Variants in ARMCX2 observed in about 807,000 individuals in gnomAD.
The protein encoded by ARMCX2 is armadillo repeat containing X-linked 2.
Under a neutral mutation model 17.0 loss-of-function variants are expected in ARMCX2, and 2 were observed. The ratio of observed to expected loss-of-function variants is 0.12; its 90% CI spans 0.05 to 0.37. The LOEUF is 0.37. ARMCX2 is among the 10% of genes least tolerant of loss of function. The probability of loss-of-function intolerance (pLI) is 1.00; values close to 1 mark genes in which losing one functional copy is unlikely to be tolerated. For missense variants in ARMCX2, 408 were observed against 497.7 expected (o/e 0.82, Z 1.72); for synonymous variants, 182 against 195.2 (o/e 0.93, Z 0.57).
rs1396944045 is a variant in ARMCX2 at position 101,659,141 on chromosome X, A to G, written c.-328T>C. On this transcript the variant is annotated 5_prime_UTR_variant, in exon 3 of 6. Coordinates refer to ENST00000356824, the MANE Select transcript of ARMCX2 (RefSeq NM_177949.4). ...GGCTGTGTGGGCCGGAGGTGTCTGGAAAGCAGTCTGCGAGTTAACAAGGCG... is the reference window on the plus strand; with the variant it reads ...GGCTGTGTGGGCCGGAGGTGTCTGGGAAGCAGTCTGCGAGTTAACAAGGCG... The G allele has an allele frequency of 1.8e-5, 2 of 110,922 alleles. No individual in the cohort carries two copies. The highest frequency in any genetic ancestry group is 9.5e-5 in the Admixed American group (1 of 10,531). The allele number at this position is 110,922 out of a possible 1,213,427, so 9.1% of individuals were successfully genotyped here.
chrX:101,655,538 C>T lies in ARMCX2; in HGVS notation c.*152G>A. 2.6e-6 allele frequency: 1 copy of T among 389,594 alleles called. No homozygotes were observed. Among genetic ancestry groups the T allele is most frequent in the Non-Finnish European group, 4.3e-6 (1 of 232,404 alleles). 32.1% of individuals were successfully genotyped at this position (389,594 alleles called of 1,213,427 possible). A position where few individuals can be genotyped will look rare whatever the true frequency, so the allele number is the denominator to read the frequency against. ...TAAAGCTGGTGACTGTCACAGATAA[C>T]ATCACTCTGGATGATACATTATTCA... On this transcript the variant is annotated 3_prime_UTR_variant, in exon 6 of 6. Transcript: ENST00000356824.
chrX:101,658,190 T>G (rs1162056693), intron 4 of ARMCX2, 48 bp from the exon 5 acceptor site: 1 of 111,858 alleles, frequency 8.9e-6, no homozygotes, highest in Non-Finnish European at 1.9e-5. Context: ...GTGGACGAAT[T>G]CTGGTTCTTT....
At chrX:101,658,299 C>G (rs1046078873) in intron 4 of ARMCX2, among the ~76,000 whole-genome samples, 157 bp from the exon 5 acceptor site, 1 of 111,827 alleles carries the variant, frequency 8.9e-6, no homozygotes, top group Non-Finnish European at 1.9e-5. Flanking sequence ...AAGGCAGATG[C>G]CACGCCCCTT....
rs782776712 is a variant in ARMCX2 at position 101,656,347 on chromosome X, A to G, written c.1242T>C (p.Asn414=). Residue 414 remains asparagine (N), a synonymous_variant, in exon 6 of 6, where the codon AAT becomes AAC. Transcript: ENST00000356824. ...QQVALLTLSN[N]ANYSCNQETI... is the part of the protein sequence containing the mutation. The stretch of plus-strand genomic sequence containing the variant: ...TCTCTTGATTGCATGAATAATTGGC[A>G]TTGTTGCTCAGAGTGAGCAAAGCTA... 3.3e-6 allele frequency: 4 copies of G among 1,210,983 alleles called. No individual in the cohort carries two copies. Among genetic ancestry groups the G allele is most frequent in the South Asian group, 1.8e-5 (1 of 56,933 alleles).
In ARMCX2 at chrX:101,655,693, G is replaced by C; in HGVS notation, c.1896C>G (p.Phe632Leu). 1 of 1,130,539 alleles carries C rather than the reference G, an allele frequency of 8.8e-7. No homozygotes were observed. Among genetic ancestry groups the C allele is most frequent in the Non-Finnish European group, 1.2e-6 (1 of 855,043 alleles). 93.2% of individuals were successfully genotyped at this position (1,130,539 alleles called of 1,213,427 possible). A position where few individuals can be genotyped will look rare whatever the true frequency, so the allele number is the denominator to read the frequency against. Residue 632 changes from phenylalanine to leucine, a missense_variant, in exon 6 of 6, where the codon TTC (phenylalanine) becomes TTG (leucine). Transcript: ENST00000356824. Reference protein sequence around the residue: ...KVKVIKLVNKF With the variant: ...KVKVIKLVNKL ...TCTTTTGACGGTACATAACCAATCA[G>C]AATTTGTTCACTAGTTTTATAACTT...
intron 3 of ARMCX2, among the ~76,000 whole-genome samples, chrX:101,658,835 G>A (rs1259996804): frequency 9.0e-6 from 1 of 111,096 alleles, no homozygotes; most frequent in Non-Finnish European, 1.9e-5. Context: ...CGAGGGTGCA[G>A]CAAAAGCTGG....
chrX:101,658,030 C>G (rs1437166739), intron 5 of ARMCX2, 43 bp downstream of exon 5: 1 of 125,269 alleles, frequency 8.0e-6, no homozygotes, highest in Non-Finnish European at 1.6e-5. Flanking sequence ...TGCCCCACCC[C>G]CTACCCCCAA....
At position 101,656,450 on chromosome X, in the gene ARMCX2, T is replaced by C; in HGVS notation, c.1139A>G (p.Asp380Gly). The change falls in exon 6 of 6, where the codon GAT (aspartate) becomes GGT (glycine). Residue 380 changes from aspartate to glycine, a missense_variant. This residue lies in a region of ARMCX2 where 307 missense variants were observed against 326.8 expected (regional missense o/e 0.94). Transcript: ENST00000356824. ...GAGATCGCGGACACCCAGAATCTCA[T>C]CAATTTCATAAGGAAAGGGGCGCTT... is the stretch of plus-strand genomic sequence containing the variant. ...MQKRPFPYEI[D>G]EILGVRDLRK... 1 of 1,210,925 alleles carries C rather than the reference T, an allele frequency of 8.3e-7. No homozygotes were observed. Among genetic ancestry groups the C allele is most frequent in the Non-Finnish European group, 1.1e-6 (1 of 895,319 alleles).
In ARMCX2 at chrX:101,657,815, C is replaced by A. The variant is rs1373317848; in HGVS notation, c.-127-100G>T. 2.8e-5 allele frequency: 10 copies of A among 361,106 alleles called. No individual in the cohort carries two copies. In the Admixed American group the frequency reaches 3.4e-4, roughly 12 times the overall value. The allele number at this position is 361,106 out of a possible 1,213,427, so 29.8% of individuals were successfully genotyped here. ...GTTTAGGGACACAATGCTTCGTTGGCGGGCTAGCACCCAGACACAGGTGTC... is the reference window on the plus strand; with the variant it reads ...GTTTAGGGACACAATGCTTCGTTGGAGGGCTAGCACCCAGACACAGGTGTC... On this transcript the variant is annotated intron_variant, in intron 5 of 5. Coordinates refer to ENST00000356824, the MANE Select transcript of ARMCX2 (RefSeq NM_177949.4).
rs1556058107 is a variant in ARMCX2, at chrX:101,656,737, C to T, written c.852G>A (p.Lys284=). Residue 284 remains lysine, a synonymous_variant, in exon 6 of 6, where the codon AAG becomes AAA. Coordinates refer to ENST00000356824, the MANE Select transcript of ARMCX2 (RefSeq NM_177949.4). ...CCCCATTCCGGGACCTGGTTACACC[C>T]TTGCCTCCACCTTTGGGTACCGCTC... The part of the protein sequence containing the change: ...ATGAVPKGGG[K]GVTRSRNGGK... The T allele has an allele frequency of 2.3e-5, 28 of 1,211,766 alleles. No homozygotes were observed. Among genetic ancestry groups the T allele is most frequent in the Non-Finnish European group, 3.0e-5 (27 of 895,512 alleles).
chrX:101,657,108 G>A lies in ARMCX2; in HGVS notation c.481C>T (p.Pro161Ser). 1 of 1,194,293 alleles carries A rather than the reference G, an allele frequency of 8.4e-7. No individual in the cohort carries two copies. Among genetic ancestry groups the A allele is most frequent in the East Asian group, 3.0e-5 (1 of 33,582 alleles). ...TCTCTGGGAGCTTCTGCCACTTTGG[G>A]AGCCCCTGCCATTGCAGGGGCTTCT... is the stretch of plus-strand genomic sequence containing the variant. The part of the protein sequence containing the change: ...AAEAPAMAGA[P>S]KVAEAPREAE... Residue 161 changes from proline to serine, a missense_variant, in exon 6 of 6, where the codon CCC becomes TCC. Coordinates refer to ENST00000356824, the MANE Select transcript of ARMCX2 (RefSeq NM_177949.4).
At chrX:101,658,295 G>A (rs188629692) in intron 4 of ARMCX2, among the ~76,000 whole-genome samples, 153 bp from the exon 5 acceptor site, 29 of 111,830 alleles carry the variant, frequency 2.6e-4, no homozygotes, top group African/African-American at 9.4e-4. Context: ...AACTAAGGCA[G>A]ATGCCACGCC....
At position 101,656,015 on chromosome X, in the gene ARMCX2, T is replaced by TTGA; in HGVS notation, c.1571_1573dup (p.Ile524dup). ...CGAAAGGATTTTCAAAATCTCAACC[T>TTGA]TGATTTTTCCACCTCCCTGAGATAG... On this transcript the variant is annotated inframe_insertion, in exon 6 of 6. Transcript: ENST00000356824. 8.3e-7 allele frequency: 1 copy of TTGA among 1,211,277 alleles called. No individual in the cohort carries two copies. The highest frequency in any genetic ancestry group is 1.1e-6 in the Non-Finnish European group (1 of 895,205).
In ARMCX2 at chrX:101,657,461, T is replaced by A. The variant is rs782291443; in HGVS notation, c.128A>T (p.Asn43Ile). 4 of 1,211,815 alleles carry A rather than the reference T, an allele frequency of 3.3e-6. No individual in the cohort carries two copies. In the Admixed American group the frequency reaches 6.5e-5, roughly 20 times the overall value. The change falls in exon 6 of 6, where the codon AAC becomes ATC. Residue 43 changes from asparagine (N) to isoleucine (I), a missense_variant. This residue lies in a region of ARMCX2 where 307 missense variants were observed against 326.8 expected (regional missense o/e 0.94). Transcript: ENST00000356824. ...QTKKRMAKPKNRAVAGTGARA... is the reference protein window; with the variant it reads ...QTKKRMAKPKIRAVAGTGARA... ...GGCTCCAGTCCCAGCCACAGCCCGG[T>A]TTTTGGGCTTGGCCATTCTCTTCTT...
chrX:101,655,714 A>G lies in ARMCX2; in HGVS notation c.1875T>C (p.Val625=). The G allele has an allele frequency of 2.6e-6, 3 of 1,144,130 alleles. No homozygotes were observed. The highest frequency in any genetic ancestry group is 2.3e-6 in the Non-Finnish European group (2 of 864,869). 94.3% of individuals were successfully genotyped at this position (1,144,130 alleles called of 1,213,427 possible). A position where few individuals can be genotyped will look rare whatever the true frequency, so the allele number is the denominator to read the frequency against. ...NHHDLLVKVK[V]IKLVNKF is the part of the protein sequence containing the mutation. ...ATCAGAATTTGTTCACTAGTTTTAT[A>G]ACTTTCACTTTCACTAAGAGGTCAT... Residue 625 remains valine, a synonymous_variant, in exon 6 of 6, where the codon GTT becomes GTC. Transcript: ENST00000356824.
rs144651046 is a variant in ARMCX2 at position 101,657,225 on chromosome X, C to A, written c.364G>T (p.Gly122Trp). Residue 122 changes from glycine (G) to tryptophan (W), a missense_variant, in exon 6 of 6, where the codon GGG becomes TGG. This residue lies in a region of ARMCX2 where 307 missense variants were observed against 326.8 expected (regional missense o/e 0.94). Coordinates refer to ENST00000356824, the MANE Select transcript of ARMCX2 (RefSeq NM_177949.4). ...GSQAQEADGAGVGPKAESVVG... is the reference protein window; with the variant it reads ...GSQAQEADGAWVGPKAESVVG... The stretch of plus-strand genomic sequence containing the variant: ...ACTGATTCGGCCTTAGGCCCAACCC[C>A]GGCTCCATCTGCCTCTTGGGCCTGA... The A allele has an allele frequency of 1.4e-5, 17 of 1,200,137 alleles. No individual in the cohort carries two copies. In the African/African-American group the frequency reaches 2.8e-4, roughly 20 times the overall value.
chrX:101,657,271 C>T lies in ARMCX2; in HGVS notation c.318G>A (p.Glu106=). ...EAVAPAASSA[E]AQSGAGSQAQ... is the part of the protein sequence containing the mutation. ...CCTGACTGCCTGCCCCACTCTGAGC[C>T]TCAGCGCTGGATGCAGCTGGGGCCA... is the stretch of plus-strand genomic sequence containing the variant. The change falls in exon 6 of 6, where the codon GAG becomes GAA. Residue 106 remains glutamate (E), a synonymous_variant. Coordinates refer to ENST00000356824, the MANE Select transcript of ARMCX2 (RefSeq NM_177949.4). The T allele has an allele frequency of 1.7e-6, 2 of 1,209,277 alleles. No individual in the cohort carries two copies. The highest frequency in any genetic ancestry group is 2.2e-6 in the Non-Finnish European group (2 of 893,073).
Position 101,657,557 on chromosome X carries a change from G to A in ARMCX2, c.32C>T (p.Ala11Val), listed in dbSNP as rs201060387. ...ACCAGCCCCTATCACTATCCCCGCC[G>A]CTACACAGCCAGCATCCCGAACGCG... MSRVRDAGCV[A>V]AGIVIGAGAW... Residue 11 changes from alanine (A) to valine (V), a missense_variant, in exon 6 of 6, where the codon GCG becomes GTG. Transcript: ENST00000356824. 145 of 1,208,675 alleles carry A rather than the reference G, an allele frequency of 1.2e-4. No homozygotes were observed. Among genetic ancestry groups the A allele is most frequent in the Non-Finnish European group, 1.6e-4 (139 of 894,142 alleles).
rs201773004 is a variant in ARMCX2 at position 101,656,560 on chromosome X, G to C, written c.1029C>G (p.Ser343=). ...AEVPDSEEGE[S]GWTDTESDSD... is the part of the protein sequence containing the mutation. Reference sequence around the variant, plus strand: ...AATCTGACTCTGTGTCAGTCCACCCGGACTCCCCTTCCTCAGAATCAGGGA... The same window carrying C: ...AATCTGACTCTGTGTCAGTCCACCCCGACTCCCCTTCCTCAGAATCAGGGA... The change falls in exon 6 of 6, where the codon TCC becomes TCG. Residue 343 remains serine (S), a synonymous_variant. Coordinates refer to ENST00000356824, the MANE Select transcript of ARMCX2 (RefSeq NM_177949.4). 8 of 1,207,584 alleles carry C rather than the reference G, an allele frequency of 6.6e-6. No homozygotes were observed. The highest frequency in any genetic ancestry group is 3.5e-5 in the South Asian group (2 of 56,602).
Sources: allele counts gnomAD v4.1 joint callset (sites outside exome capture counted in the v4.1 genomes callset), GRCh38; gene constraint gnomAD v4.1.1; regional missense constraint gnomAD v4.1.1; transcripts MANE v1.5; gene names NCBI Gene and HGNC (gene_info 2026-07-23, HGNC 2026-07-21).